The following ACCS variants were observed in gnomAD, a reference collection of about 807,000 sequenced individuals.
ACCS encodes the protein 1-aminocyclopropane-1-carboxylate synthase homolog (inactive).
In ACCS, 42 loss-of-function variants were observed where a neutral mutation model predicts 59.8. The observed-to-expected ratio is 0.70, with a 90% CI of 0.55 to 0.91. ACCS has a LOEUF of 0.91. ACCS is among the 40% of genes least tolerant of loss of function. The pLI, the probability that ACCS is intolerant of heterozygous loss-of-function variation, is 0.00. For synonymous variants in ACCS, 230 were observed against 240.3 expected (o/e 0.96, Z 0.40); for missense variants, 602 against 630.4 (o/e 0.95, Z 0.48).
intron 8 of ACCS, 68 bp downstream of exon 8, chr11:44,077,990 T>C (rs1257827565): frequency 1.9e-6 from 3 of 1,546,612 alleles, no homozygotes; most frequent in African/African-American, 2.7e-5. Flanking sequence ...ACCCCTCTTC[T>C]TGTGACTGAT....
chr11:44,077,806 A>G, intron 7 of ACCS, 39 bp from the exon 8 acceptor site: 1 of 1,606,650 alleles, frequency 6.2e-7, no homozygotes, highest in Non-Finnish European at 8.5e-7. Flanking sequence ...GGCAATGGTC[A>G]CTGAATGTGG....
chr11:44,067,388 A>G (rs1054533628), intron 1 of ACCS: 2 of 468,580 alleles, frequency 4.3e-6, no homozygotes, highest in South Asian at 6.8e-5. Context: ...GCAGCAATAC[A>G]TTAAAGTCAC....
chr11:44,078,999 C>T (rs1953510131), intron 9 of ACCS: 1 of 551,066 alleles, frequency 1.8e-6, no homozygotes. Context: ...TTAGCGCACA[C>T]TCTAGGGGCC....
intron 3 of ACCS, among the ~76,000 whole-genome samples, chr11:44,072,652 A>C (rs969966519): frequency 1.3e-5 from 2 of 152,214 alleles, no homozygotes; most frequent in Non-Finnish European, 2.9e-5. Context: ...CCATTTTAGC[A>C]TGTCATCAGT....
intron 6 of ACCS, among the ~76,000 whole-genome samples, chr11:44,076,794 A>G (rs1237700634): frequency 6.6e-6 from 1 of 152,244 alleles, no homozygotes; most frequent in African/African-American, 2.4e-5. Flanking sequence ...GGTAATTTAT[A>G]AAGGAAAGAG....
chr11:44,074,778 C>CTTTTTCTTTCTT (rs1565175623), intron 5 of ACCS, 97 bp downstream of exon 5: 5 of 180,434 alleles, frequency 2.8e-5, no homozygotes, highest in Admixed American at 2.5e-4. Context: ...CTTTCTTTTT[C>CTTTTTCTTTCTT]TCTCTCTCTC....
At chr11:44,071,184 C>T in intron 2 of ACCS, 72 bp from the exon 3 acceptor site, 1 of 1,540,366 alleles carries the variant, frequency 6.5e-7, no homozygotes, top group Non-Finnish European at 9.0e-7. Flanking sequence ...TTGCTGCCTC[C>T]ATGGGCTCCT....
Position 44,075,565 on chromosome 11 carries a change from C to G in ACCS, c.529C>G (p.Leu177Val), listed in dbSNP as rs754846463. The change falls in exon 6 of 15, where the codon CTG becomes GTG. Residue 177 changes from leucine (L) to valine (V), a missense_variant. Physicochemically the swap from Leu to Val is conservative, Grantham distance 32. Transcript: ENST00000263776. ...LNGGASLFSA[L>V]ATVLCEAGEA... ...TGGTGGTGCCTCGCTCTTCTCTGCT[C>G]TGGCCACGGTGCTGTGTGAGGCCGG... 5.0e-6 allele frequency: 8 copies of G among 1,614,070 alleles called. No individual in the cohort carries two copies. In the East Asian group the frequency reaches 1.6e-4, roughly 31 times the overall value.
intron 9 of ACCS, 131 bp from the exon 10 acceptor site, chr11:44,079,400 G>A (rs1214986236): frequency 6.0e-6 from 4 of 667,556 alleles, no homozygotes; most frequent in African/African-American, 1.8e-5. Flanking sequence ...TGGTGTTCTT[G>A]GAAAAACAAG....
chr11:44,081,345 G>T, intron 12 of ACCS, 25 bp downstream of exon 12: 1 of 1,609,872 alleles, frequency 6.2e-7, no homozygotes, highest in African/African-American at 1.3e-5. Flanking sequence ...CTGGTGACCT[G>T]AAAATGGGAG....
chr11:44,077,165 C>A, intron 6 of ACCS, 114 bp from the exon 7 acceptor site: 1 of 1,202,792 alleles, frequency 8.3e-7, no homozygotes, highest in Non-Finnish European at 1.2e-6. Context: ...GCAAGTATGC[C>A]CCAAACGGTC....
At chr11:44,078,117 A>G (rs1590497321) in intron 8 of ACCS, 195 bp downstream of exon 8, 1 of 656,108 alleles carries the variant, frequency 1.5e-6, no homozygotes. Context: ...CCCTTTCAAA[A>G]CAGACTCTCA....
At position 44,078,771 on chromosome 11, in the gene ACCS, G is replaced by C. The variant is rs1953496371; in HGVS notation, c.820G>C (p.Val274Leu). The C allele has an allele frequency of 6.2e-7, 1 of 1,613,990 alleles. No homozygotes were observed. The highest frequency in any genetic ancestry group is 8.5e-7 in the Non-Finnish European group (1 of 1,179,976). Residue 274 changes from valine to leucine, a missense_variant, in exon 9 of 15, where the codon GTA becomes CTA. Transcript: ENST00000263776. ...CCCTGAAGAGCTACAGGAGTACCTG[G>C]TATTTGCCAAGAGGTGAGGCACCCC... ...YSPEELQEYLVFAKRHRLHVI... is the reference protein window; with the variant it reads ...YSPEELQEYLLFAKRHRLHVI...
At chr11:44,070,592 C>T (rs976826671) in intron 2 of ACCS, among the ~76,000 whole-genome samples, 2 of 152,168 alleles carry the variant, frequency 1.3e-5, no homozygotes, top group Admixed American at 6.5e-5. Context: ...GTGAGGCCTG[C>T]ACCGAGTCTC....
intron 4 of ACCS, 73 bp downstream of exon 4, chr11:44,073,590 T>C: frequency 6.8e-7 from 1 of 1,472,468 alleles, no homozygotes; most frequent in East Asian, 2.5e-5. Flanking sequence ...TTTTGGTTGT[T>C]ATAACTGGGA....
At chr11:44,073,240 G>T in intron 3 of ACCS, 2 of 596,998 alleles carry the variant, frequency 3.4e-6, no homozygotes, top group Non-Finnish European at 3.1e-6. Flanking sequence ...TCTGCCACTT[G>T]CTAGCTCTGT....
In ACCS at chr11:44,079,370, G is replaced by GA. The variant is rs576500549; in HGVS notation, c.834-154dup. The GA allele has an allele frequency of 1.4e-4, 87 of 611,398 alleles. No homozygotes were observed. In the Middle Eastern group the frequency reaches 1.7e-3, roughly 12 times the overall value. The allele number at this position is 611,398 out of a possible 1,614,324, so 37.9% of individuals were successfully genotyped here. The stretch of plus-strand genomic sequence containing the variant: ...GCTCTGTATGTGTGGCTTTCTGTTT[G>GA]AAAAAAACAGAAGAAAGAATGGTGT... On this transcript the variant is annotated intron_variant, in intron 9 of 14. Transcript: ENST00000263776.
chr11:44,070,697 T>A (rs906320342), intron 2 of ACCS, among the ~76,000 whole-genome samples: 10 of 152,164 alleles, frequency 6.6e-5, no homozygotes, highest in Non-Finnish European at 1.5e-4. Context: ...TATTGTGTGA[T>A]GTTGCAGGGT....
rs145689294 is a variant in ACCS, at chr11:44,078,692, G to A, written c.741G>A (p.Lys247=). 287 of 1,614,012 alleles carry A rather than the reference G, an allele frequency of 1.8e-4. 1 individual carries two copies. The African/African-American group carries it at 3.3e-3, about 18-fold the overall frequency. ...CTAACGGATGGTTTCAGGGTGTGAA[G>A]GTCAAAGGCCTCATCCTCATCAGCC... ...ALREAHSEGV[K]VKGLILISPQ... Residue 247 remains lysine (K), a synonymous_variant, in exon 9 of 15, where the codon AAG becomes AAA. Transcript: ENST00000263776.
Sources: allele counts gnomAD v4.1 joint callset (sites outside exome capture counted in the v4.1 genomes callset), GRCh38; gene constraint gnomAD v4.1.1; transcripts MANE v1.5; gene names NCBI Gene and HGNC (gene_info 2026-07-23, HGNC 2026-07-21).